Variants in EDA observed in about 807,000 individuals in gnomAD.
EDA encodes ectodysplasin A.
In EDA, 2 loss-of-function variants were observed where a neutral mutation model predicts 23.6. The observed-to-expected ratio is 0.08, with a 90% CI of 0.03 to 0.27. The LOEUF is 0.27. EDA is among the 10% of genes least tolerant of loss of function. The pLI, the probability that EDA is intolerant of heterozygous loss-of-function variation, is 1.00. For missense variants in EDA, 229 were observed against 324.2 expected (o/e 0.71, Z 2.26); for synonymous variants, 131 against 132.0 (o/e 0.99, Z 0.05).
chrX:69,662,057 G>T (rs952767811), intron 1 of EDA, among the ~76,000 whole-genome samples: 36 of 111,061 alleles, frequency 3.2e-4, no homozygotes, highest in African/African-American at 1.2e-3. Context: ...TTGTACATTA[G>T]ATCTCTAGAC....
At chrX:70,027,710 T>C (rs1377747922) in intron 3 of EDA, 147 bp from the exon 4 acceptor site, 26 of 432,492 alleles carry the variant, frequency 6.0e-5, no homozygotes, top group Admixed American at 1.1e-4. Flanking sequence ...GTAATCCCAG[T>C]TACTCCAGAG....
chrX:69,909,562 G>A lies in EDA; in HGVS notation c.397-47465G>A, dbSNP rs183870982. ...GATCCGTTCACCTTGGCCTCCCAAA[G>A]TGTTGGGATTACAGGCGTGAGCCAC... On this transcript the variant is annotated intron_variant, in intron 1 of 7. Transcript: ENST00000374552. Among the ~76,000 whole-genome samples, 802 of 112,717 alleles carry A rather than the reference G, an allele frequency of 7.1e-3. 2 individuals carry two copies. The highest frequency in any genetic ancestry group is 0.011 in the Admixed American group (116 of 10,662).
intron 1 of EDA, among the ~76,000 whole-genome samples, chrX:69,785,012 C>T (rs1407529616): frequency 4.6e-5 from 5 of 109,160 alleles, no homozygotes; most frequent in African/African-American, 1.0e-4. Flanking sequence ...CTTCACATCC[C>T]TTGTAAGTTG....
At chrX:69,702,953 G>T (rs1182424519) in intron 1 of EDA, among the ~76,000 whole-genome samples, 3 of 102,194 alleles carry the variant, frequency 2.9e-5, no homozygotes, top group Non-Finnish European at 2.0e-5. Flanking sequence ...AGGTTTGCAA[G>T]TTTTTTTTTT....
In EDA at chrX:69,873,127, T is replaced by A. The variant is rs931868539; in HGVS notation, c.397-83900T>A. Among the ~76,000 whole-genome samples the A allele has an allele frequency of 2.7e-5, 3 of 111,960 alleles. No homozygotes were observed. The Admixed American group carries it at 2.9e-4, about 11-fold the overall frequency. ...ACCATGCAAATACATGGAAATTAAG[T>A]AACCTGCTCCTGAGTGATCATTGGG... On this transcript the variant is annotated intron_variant, in intron 1 of 7. Transcript: ENST00000374552.
chrX:69,825,214 A>C (rs1283439445), intron 1 of EDA, among the ~76,000 whole-genome samples: 1 of 98,172 alleles, frequency 1.0e-5, no homozygotes, highest in Non-Finnish European at 2.1e-5. Flanking sequence ...TGGCCTCATA[A>C]AATGAGTTAG....
chrX:69,937,082 G>A, intron 1 of EDA: 1 of 665,217 alleles, frequency 1.5e-6, no homozygotes, highest in East Asian at 3.3e-5. Flanking sequence ...TTGTTCAAAG[G>A]ATTCAACCAG....
At chrX:69,843,745 G>A (rs887314573) in intron 1 of EDA, among the ~76,000 whole-genome samples, 8 of 111,348 alleles carry the variant, frequency 7.2e-5, no homozygotes, top group African/African-American at 9.8e-5. Context: ...TTAAATAGCC[G>A]GGTGCGGTGG....
chrX:69,778,322 G>A (rs1241216253), intron 1 of EDA, among the ~76,000 whole-genome samples: 1 of 111,473 alleles, frequency 9.0e-6, no homozygotes, highest in Non-Finnish European at 1.9e-5. Context: ...ATGAAAGGAA[G>A]TATGGTTTTG....
chrX:69,813,856 C>T (rs1158041313), intron 1 of EDA, among the ~76,000 whole-genome samples: 2 of 110,138 alleles, frequency 1.8e-5, no homozygotes, highest in Non-Finnish European at 3.8e-5. Context: ...TGTCTGACAG[C>T]TGTAGACCAT....
intron 1 of EDA, among the ~76,000 whole-genome samples, chrX:69,828,132 A>G (rs2016504842): frequency 9.0e-6 from 1 of 110,900 alleles, no homozygotes. Flanking sequence ...TTAAGTCTGC[A>G]GAAGTTACTG....
intron 1 of EDA, among the ~76,000 whole-genome samples, chrX:69,884,283 ATTACCAAGTAGATTAATGG>A (rs2017794927): frequency 8.9e-6 from 1 of 111,806 alleles, no homozygotes; most frequent in Admixed American, 9.5e-5. Context: ...TTCTAGCTTA[ATTACCAAGTAGATTAATGG>A]TTGCCTAGGG....
At chrX:69,771,523 G>A (rs956213033) in intron 1 of EDA, among the ~76,000 whole-genome samples, 1 of 111,728 alleles carries the variant, frequency 9.0e-6, no homozygotes, top group African/African-American at 3.3e-5. Flanking sequence ...TGCCTGGTGT[G>A]AGGGGGAAAT....
At chrX:69,650,295 G>A (rs1007077262) in intron 1 of EDA, among the ~76,000 whole-genome samples, 20 of 111,705 alleles carry the variant, frequency 1.8e-4, no homozygotes, top group African/African-American at 5.5e-4. Context: ...ATATTATAGC[G>A]GCAAACAAAA....
chrX:69,637,805 C>G lies in EDA; in HGVS notation c.396+21101C>G, dbSNP rs1394002371. ...AGTCCTCACTAAATGTTAACTACTA[C>G]TACTACTACTGCTTAGTAGTAGTAG... On this transcript the variant is annotated intron_variant, in intron 1 of 7. Transcript: ENST00000374552. Among the ~76,000 whole-genome samples the G allele has an allele frequency of 8.1e-5, 9 of 111,193 alleles. No individual in the cohort carries two copies. In the Admixed American group the frequency reaches 8.6e-4, roughly 11 times the overall value.
chrX:69,745,204 T>C (rs1602358537), intron 1 of EDA, among the ~76,000 whole-genome samples: 1 of 111,805 alleles, frequency 8.9e-6, no homozygotes, highest in Non-Finnish European at 1.9e-5. Flanking sequence ...ATTCTATCAT[T>C]CATGATAACA....
chrX:70,015,872 A>G (rs1331228089), intron 2 of EDA, among the ~76,000 whole-genome samples: 2 of 111,370 alleles, frequency 1.8e-5, no homozygotes, highest in African/African-American at 6.5e-5. Context: ...GCACATATCA[A>G]TATTACCCTT....
chrX:69,786,537 T>G (rs1463127012), intron 1 of EDA, among the ~76,000 whole-genome samples: 1 of 110,638 alleles, frequency 9.0e-6, no homozygotes, highest in East Asian at 2.8e-4. Context: ...TCTGCCTTCA[T>G]TTCGTTATGT....
rs940515191 is a variant in EDA at position 69,735,453 on chromosome X, A to G, written c.396+118749A>G. Among the ~76,000 whole-genome samples the G allele has an allele frequency of 1.3e-4, 15 of 111,698 alleles. 1 individual carries two copies. The Middle Eastern group carries it at 0.018, about 137-fold the overall frequency. Reference sequence around the variant, plus strand: ...CAAATACTATTTGTTCTGTCGTTTAATTGTTTGTTTTCTGATTGTCCCCTC... The same window carrying G: ...CAAATACTATTTGTTCTGTCGTTTAGTTGTTTGTTTTCTGATTGTCCCCTC... On this transcript the variant is annotated intron_variant, in intron 1 of 7. Coordinates refer to ENST00000374552, the MANE Select transcript of EDA (RefSeq NM_001399.5).
Sources: allele counts gnomAD v4.1 joint callset (sites outside exome capture counted in the v4.1 genomes callset), GRCh38; gene constraint gnomAD v4.1.1; transcripts MANE v1.5; gene names NCBI Gene and HGNC (gene_info 2026-07-23, HGNC 2026-07-21).